Variants in GABRR1 observed in about 807,000 individuals in gnomAD.
GABRR1 encodes the protein gamma-aminobutyric acid receptor subunit rho-1.
GABRR1 carries 59 observed loss-of-function variants against 55.5 expected under a neutral mutation model. That is an observed-to-expected ratio of 1.06 (90% CI 0.86 to 1.32). The LOEUF (loss-of-function observed/expected upper bound fraction) is 1.32. Among genes scored for constraint, GABRR1 ranks in the 40% most tolerant of loss-of-function variants. The pLI is 0.00. For synonymous variants in GABRR1, 213 were observed against 226.0 expected, an observed-to-expected ratio of 0.94 and a Z score of 0.51; for missense variants, 602 against 619.1, an observed-to-expected ratio of 0.97 and a Z score of 0.29.
chr6:89,221,996 G>A (rs765587179), upstream of GABRR1, among the ~76,000 whole-genome samples: 5 of 152,206 alleles, frequency 3.3e-5, no homozygotes, highest in Admixed American at 1.3e-4. Context: ...GCTCCAGGAC[G>A]AAGTGCCTTT....
At chr6:89,213,588 A>G (rs1468816932) in intron 1 of GABRR1, among the ~76,000 whole-genome samples, 1 of 152,268 alleles carries the variant, frequency 6.6e-6, no homozygotes, top group Non-Finnish European at 1.5e-5. Context: ...GGAAGCAACC[A>G]AATGTCTGTA....
chr6:89,213,416 A>C (rs1367632640), intron 1 of GABRR1, among the ~76,000 whole-genome samples: 1 of 152,244 alleles, frequency 6.6e-6, no homozygotes, highest in Non-Finnish European at 1.5e-5. Flanking sequence ...GGGTTGACGT[A>C]ACATTCTGGA....
chr6:89,201,600 A>G (rs1765100505), intron 2 of GABRR1, among the ~76,000 whole-genome samples: 1 of 152,158 alleles, frequency 6.6e-6, no homozygotes, highest in South Asian at 2.1e-4. Flanking sequence ...TAACACGGTG[A>G]AACCCCATCT....
intron 5 of GABRR1, among the ~76,000 whole-genome samples, chr6:89,194,954 G>T (rs1462295056): frequency 6.6e-6 from 1 of 152,150 alleles, no homozygotes; most frequent in Non-Finnish European, 1.5e-5. Context: ...GCAACAGCAA[G>T]GGGTGGAAAG....
chr6:89,199,553 T>C (rs919067170), intron 3 of GABRR1, 124 bp from the exon 4 acceptor site: 3 of 817,428 alleles, frequency 3.7e-6, no homozygotes, highest in South Asian at 1.6e-5. Flanking sequence ...GGTTTGGTCA[T>C]GGCAACCTGA....
intron 1 of GABRR1, among the ~76,000 whole-genome samples, chr6:89,207,874 A>T (rs1449988181): frequency 1.3e-5 from 2 of 152,238 alleles, no homozygotes; most frequent in Non-Finnish European, 2.9e-5. Context: ...GACCTGGTAC[A>T]GTAGGAGGAA....
At chr6:89,185,166 C>T (rs1219803999) in intron 7 of GABRR1, 144 bp downstream of exon 7, 76 of 1,068,798 alleles carry the variant, frequency 7.1e-5, no homozygotes, top group Non-Finnish European at 1.1e-5. Flanking sequence ...ACATGAGCCA[C>T]TGCACCCGGC....
At chr6:89,215,535 G>A (rs1049656132) in intron 1 of GABRR1, among the ~76,000 whole-genome samples, 20 of 152,176 alleles carry the variant, frequency 1.3e-4, no homozygotes, top group Non-Finnish European at 2.2e-4. Flanking sequence ...CTGGGAGATT[G>A]AGGGTATGAG....
chr6:89,221,268 C>G (rs1327286671), upstream of GABRR1: 1 of 152,350 alleles, frequency 6.6e-6, no homozygotes, highest in Non-Finnish European at 1.5e-5. Flanking sequence ...ACACACAAGG[C>G]ACTCACTGAC....
chr6:89,213,755 T>C (rs1772898478), intron 1 of GABRR1, among the ~76,000 whole-genome samples: 2 of 152,220 alleles, frequency 1.3e-5, no homozygotes, highest in African/African-American at 4.8e-5. Flanking sequence ...GTATTCAGTA[T>C]ATGCTTACCA....
chr6:89,215,129 A>G (rs949509418), intron 1 of GABRR1, among the ~76,000 whole-genome samples: 3 of 152,246 alleles, frequency 2.0e-5, no homozygotes, highest in Non-Finnish European at 4.4e-5. Context: ...GGAAAACTAG[A>G]TGGAGGTTCC....
chr6:89,207,562 T>C (rs1453414139), intron 1 of GABRR1, among the ~76,000 whole-genome samples: 3 of 152,178 alleles, frequency 2.0e-5, no homozygotes, highest in Admixed American at 6.5e-5. Context: ...CCAATTTTAC[T>C]TTGCTATTCT....
intron 1 of GABRR1, among the ~76,000 whole-genome samples, chr6:89,213,149 G>A (rs2127807250): frequency 6.6e-6 from 1 of 152,276 alleles, no homozygotes; most frequent in Middle Eastern, 3.4e-3. Context: ...TGCATAGGGA[G>A]TAAAATGTAA....
chr6:89,196,930 G>C (rs1233490519), intron 5 of GABRR1, among the ~76,000 whole-genome samples: 1 of 152,070 alleles, frequency 6.6e-6, no homozygotes, highest in African/African-American at 2.4e-5. Context: ...CAGAAATGAA[G>C]ACTTCAGGGA....
chr6:89,179,162 G>A (rs1771639371), intron 9 of GABRR1, 99 bp from the exon 10 acceptor site: 1 of 1,244,038 alleles, frequency 8.0e-7, no homozygotes, highest in Admixed American at 2.5e-5. Flanking sequence ...CTGGTTTCTG[G>A]TATTCCCAGT....
chr6:89,224,131 A>G (rs1003300859), intron 1 of GABRR1, among the ~76,000 whole-genome samples: 4 of 146,902 alleles, frequency 2.7e-5, no homozygotes, highest in African/African-American at 1.0e-4. Context: ...ACTCTGTCGC[A>G]CAGGCTGGAG....
At chr6:89,182,110 A>T in intron 7 of GABRR1, 53 bp from the exon 8 acceptor site, 1 of 1,580,854 alleles carries the variant, frequency 6.3e-7, no homozygotes, top group South Asian at 1.1e-5. Flanking sequence ...TTCATAAAAC[A>T]CATTTTATTC....
intron 1 of GABRR1, among the ~76,000 whole-genome samples, chr6:89,230,971 C>T (rs1452006674): frequency 1.3e-5 from 2 of 151,888 alleles, no homozygotes; most frequent in African/African-American, 2.4e-5. Context: ...CGTGGTGCGC[C>T]GTTTTTTAAG....
At chr6:89,204,461 G>T in intron 1 of GABRR1, 1 of 301,060 alleles carries the variant, frequency 3.3e-6, no homozygotes, top group Non-Finnish European at 6.3e-6. Context: ...GCACAGTGTT[G>T]GATCCCTGTG....
Sources: gnomAD v4.1 joint callset for allele counts (sites outside exome capture counted in the v4.1 genomes callset) on GRCh38, gnomAD v4.1.1 for gene constraint, MANE v1.5 for transcripts, NCBI Gene and HGNC (gene_info 2026-07-23, HGNC 2026-07-21) for gene names.